The following GRIN2A variants were observed in gnomAD, a reference collection of about 807,000 sequenced individuals.
GRIN2A encodes the protein glutamate ionotropic receptor NMDA type subunit 2A.
GRIN2A carries 22 observed loss-of-function variants against 113.4 expected under a neutral mutation model. The ratio of observed to expected loss-of-function variants is 0.19; its 90% CI spans 0.14 to 0.28. GRIN2A has a LOEUF of 0.28. Among genes scored for constraint, GRIN2A ranks in the 10% least tolerant of loss-of-function variants. The pLI, the probability that GRIN2A is intolerant of heterozygous loss-of-function variation, is 1.00. For missense variants in GRIN2A, 1,502 were observed against 1,887.0 expected (o/e 0.80, Z 3.78); for synonymous variants, 827 against 738.4 (o/e 1.12, Z -1.94).
At chr16:9,877,561 A>T (rs1010612265) in intron 4 of GRIN2A, among the ~76,000 whole-genome samples, 15 of 151,828 alleles carry the variant, frequency 9.9e-5, no homozygotes, top group Non-Finnish European at 1.8e-4. Context: ...TTTGCCTTAA[A>T]GTCCACTGTT....
At chr16:9,856,457 A>T (rs1367448199) in intron 4 of GRIN2A, among the ~76,000 whole-genome samples, 6 of 140,128 alleles carry the variant, frequency 4.3e-5, no homozygotes, top group African/African-American at 1.6e-4. Flanking sequence ...CGTCTCTACT[A>T]AAAAAAAAAT....
In GRIN2A at chr16:10,039,808, G is replaced by GAGAGAGAGAGAGAGAGAGAGAGAGA. The variant is rs373952509; in HGVS notation, c.415-101258_415-101257insTCTCTCTCTCTCTCTCTCTCTCTCT. 2.2e-3 allele frequency among the ~76,000 whole-genome samples: 140 copies of GAGAGAGAGAGAGAGAGAGAGAGAGA among 63,798 alleles called. 3 individuals are homozygous for GAGAGAGAGAGAGAGAGAGAGAGAGA. The highest frequency in any genetic ancestry group is 3.0e-3 in the African/African-American group (38 of 12,792). 41.9% of individuals were successfully genotyped at this position (63,798 alleles called of 152,430 possible). On this transcript the variant is annotated intron_variant, in intron 2 of 12. Transcript: ENST00000330684. ...AGGGGGAGGGGGAGGGGGAGGGGGG[G>GAGAGAGAGAGAGAGAGAGAGAGAGA]GAGAAAGAGAGAGAGAGAGAGAGAG...
At chr16:9,778,124 T>C (rs1205770089) in intron 11 of GRIN2A, among the ~76,000 whole-genome samples, 4 of 152,158 alleles carry the variant, frequency 2.6e-5, no homozygotes, top group Non-Finnish European at 4.4e-5. Flanking sequence ...CAGTGTCTCT[T>C]TCAGAAGAAA....
chr16:9,886,112 GC>G (rs1304890836), intron 4 of GRIN2A, among the ~76,000 whole-genome samples: 1 of 152,208 alleles, frequency 6.6e-6, no homozygotes, highest in Non-Finnish European at 1.5e-5. Flanking sequence ...AGTCAAGCCT[GC>G]TCCAGGACTG....
At chr16:10,103,755 A>C (rs2048443432) in intron 2 of GRIN2A, among the ~76,000 whole-genome samples, 1 of 152,260 alleles carries the variant, frequency 6.6e-6, no homozygotes, top group South Asian at 2.1e-4. Context: ...GCTCTTCCAC[A>C]TACTTTTTGG....
chr16:9,916,613 C>T (rs769221139), intron 3 of GRIN2A, among the ~76,000 whole-genome samples: 6 of 152,212 alleles, frequency 3.9e-5, no homozygotes, highest in African/African-American at 9.6e-5. Context: ...TATTCCACCT[C>T]GGAGGTGGCT....
chr16:9,925,542 G>A (rs1010038340), intron 3 of GRIN2A, among the ~76,000 whole-genome samples: 2 of 152,168 alleles, frequency 1.3e-5, no homozygotes, highest in Non-Finnish European at 2.9e-5. Context: ...CTTTGTCTCT[G>A]CCATTCAGGG....
At chr16:10,124,612 G>C (rs1488600085) in intron 2 of GRIN2A, among the ~76,000 whole-genome samples, 1 of 152,180 alleles carries the variant, frequency 6.6e-6, no homozygotes, top group African/African-American at 2.4e-5. Flanking sequence ...GTCCAGGTGA[G>C]ACGGAGCTGG....
Position 9,857,214 on chromosome 16 carries a change from T to C in GRIN2A, c.1123-7253A>G, listed in dbSNP as rs550044138. 4.6e-5 allele frequency among the ~76,000 whole-genome samples: 7 copies of C among 152,286 alleles called. No individual in the cohort carries two copies. The East Asian group carries it at 1.2e-3, about 25-fold the overall frequency. ...AAGGCAATATTACAATTACATGTCA[T>C]ATAGGATCCTGGATCAGCTATCAGG... On this transcript the variant is annotated intron_variant, in intron 4 of 12. Coordinates refer to ENST00000330684, the MANE Select transcript of GRIN2A (RefSeq NM_001134407.3).
intron 2 of GRIN2A, among the ~76,000 whole-genome samples, chr16:10,037,497 ACTTAAAACCTG>A (rs2141946835): frequency 6.6e-6 from 1 of 152,310 alleles, no homozygotes; most frequent in African/African-American, 2.4e-5. Context: ...GGACTAAGTT[ACTTAAAACCTG>A]CTTAAAACAC....
At chr16:9,798,183 A>G (rs1596422876) in intron 11 of GRIN2A, 94 bp downstream of exon 11, 3 of 983,856 alleles carry the variant, frequency 3.0e-6, no homozygotes, top group Non-Finnish European at 4.8e-6. Context: ...GAGCAAACTC[A>G]TCATGCAAAG....
At chr16:10,124,214 T>C (rs539541422) in intron 2 of GRIN2A, among the ~76,000 whole-genome samples, 1 of 152,122 alleles carries the variant, frequency 6.6e-6, no homozygotes, top group Non-Finnish European at 1.5e-5. Flanking sequence ...CCACGATGTA[T>C]AGGGAAAAAA....
At chr16:10,160,354 C>T (rs1226744897) in intron 2 of GRIN2A, among the ~76,000 whole-genome samples, 1 of 152,144 alleles carries the variant, frequency 6.6e-6, no homozygotes, top group South Asian at 2.1e-4. Flanking sequence ...TGGGCGTGGA[C>T]CAAGGGCATG....
intron 3 of GRIN2A, among the ~76,000 whole-genome samples, chr16:9,914,844 A>T (rs1050460350): frequency 6.9e-6 from 1 of 144,946 alleles, no homozygotes; most frequent in Non-Finnish European, 1.5e-5. Flanking sequence ...CAACAGCAAC[A>T]TTCCCCACAT....
intron 2 of GRIN2A, among the ~76,000 whole-genome samples, chr16:10,122,724 T>C (rs2048858626): frequency 1.3e-5 from 2 of 152,190 alleles, no homozygotes; most frequent in African/African-American, 2.4e-5. Context: ...CAGACCTTCT[T>C]GGGCCCCCTG....
intron 2 of GRIN2A, among the ~76,000 whole-genome samples, chr16:10,052,365 C>G (rs1426895478): frequency 1.3e-5 from 2 of 152,224 alleles, no homozygotes; most frequent in African/African-American, 2.4e-5. Context: ...TTTTGCAGAG[C>G]TGGTGTTTGA....
intron 2 of GRIN2A, among the ~76,000 whole-genome samples, chr16:10,082,751 C>T (rs1000723603): frequency 3.3e-5 from 5 of 152,202 alleles, no homozygotes; most frequent in South Asian, 4.2e-4. Flanking sequence ...AGTTGGTGGT[C>T]GGTTGTTACA....
intron 2 of GRIN2A, among the ~76,000 whole-genome samples, chr16:10,036,728 G>A (rs1404387323): frequency 6.6e-6 from 1 of 151,804 alleles, no homozygotes; most frequent in Non-Finnish European, 1.5e-5. Flanking sequence ...CTACAGGCGT[G>A]AGCCACCGTG....
At chr16:9,964,382 T>C (rs1428559237) in intron 2 of GRIN2A, among the ~76,000 whole-genome samples, 2 of 152,178 alleles carry the variant, frequency 1.3e-5, no homozygotes, top group Non-Finnish European at 2.9e-5. Flanking sequence ...TTAATTGAGG[T>C]TCTTGTGACA....
Sources: gnomAD v4.1 joint callset for allele counts (sites outside exome capture counted in the v4.1 genomes callset) on GRCh38, gnomAD v4.1.1 for gene constraint, MANE v1.5 for transcripts, NCBI Gene and HGNC (gene_info 2026-07-23, HGNC 2026-07-21) for gene names.